FBXL17: variants seen among roughly 807,000 people sequenced by gnomAD.
FBXL17 encodes the protein F-box and leucine rich repeat protein 17.
Under a neutral mutation model 66.2 loss-of-function variants are expected in FBXL17, and 22 were observed. The observed-to-expected ratio is 0.33, with a 90% CI of 0.24 to 0.47. FBXL17 has a LOEUF of 0.47. FBXL17 is among the 20% of genes least tolerant of loss of function. The pLI is 1.00. For missense variants in FBXL17, 878 were observed against 948.2 expected, an observed-to-expected ratio of 0.93 and a Z score of 0.97; for synonymous variants, 474 against 400.5, an observed-to-expected ratio of 1.18 and a Z score of -2.19.
chr5:108,271,773 T>C (rs76507955), intron 4 of FBXL17, among the ~76,000 whole-genome samples: 2,371 of 152,314 alleles, frequency 0.016, 73 homozygotes, highest in African/African-American at 0.053. Flanking sequence ...TCCAAGTATT[T>C]AGTGATAGAA....
At chr5:108,006,123 C>T (rs905573810) in intron 7 of FBXL17, among the ~76,000 whole-genome samples, 4 of 152,100 alleles carry the variant, frequency 2.6e-5, no homozygotes, top group African/African-American at 7.2e-5. Context: ...GGCGAGGCAC[C>T]GGAATGTTTA....
intron 4 of FBXL17, among the ~76,000 whole-genome samples, chr5:108,271,713 T>G (rs1248811567): frequency 6.6e-6 from 1 of 152,226 alleles, no homozygotes; most frequent in East Asian, 1.9e-4. Flanking sequence ...TGTATCTATT[T>G]GTAACATCTT....
intron 6 of FBXL17, among the ~76,000 whole-genome samples, chr5:108,138,823 T>C (rs1751244064): frequency 6.6e-6 from 1 of 152,106 alleles, no homozygotes; most frequent in Non-Finnish European, 1.5e-5. Context: ...AAGTGCAATA[T>C]GGACAAAATA....
chr5:108,353,777 CTGGTAAAGGTAGCCCAG>C (rs1481817365), intron 3 of FBXL17, among the ~76,000 whole-genome samples: 1 of 152,076 alleles, frequency 6.6e-6, no homozygotes, highest in Non-Finnish European at 1.5e-5. Context: ...AAAAGAAGCA[CTGGTAAAGGTAGCCCAG>C]TGGCACAGAC....
chr5:108,178,258 G>T (rs529977269), intron 6 of FBXL17, among the ~76,000 whole-genome samples: 2 of 152,104 alleles, frequency 1.3e-5, no homozygotes, highest in Non-Finnish European at 2.9e-5. Flanking sequence ...ATGTTGCCCA[G>T]GCTGGTCTTG....
chr5:108,163,173 A>G (rs1752278572), intron 6 of FBXL17, among the ~76,000 whole-genome samples: 1 of 152,134 alleles, frequency 6.6e-6, no homozygotes, highest in African/African-American at 2.4e-5. Context: ...AGACAGTTAC[A>G]ACGAAAGAGG....
intron 7 of FBXL17, among the ~76,000 whole-genome samples, chr5:107,987,850 T>C (rs570443035): frequency 2.0e-5 from 3 of 152,108 alleles, no homozygotes; most frequent in Admixed American, 1.3e-4. Flanking sequence ...ACCATTTTAA[T>C]AATAAAATAT....
intron 7 of FBXL17, among the ~76,000 whole-genome samples, chr5:107,920,298 G>A (rs1750269191): frequency 6.6e-6 from 1 of 152,062 alleles, no homozygotes; most frequent in African/African-American, 2.4e-5. Flanking sequence ...TCTGCTTCCC[G>A]GGTTCCAGCA....
intron 7 of FBXL17, among the ~76,000 whole-genome samples, chr5:107,901,525 C>G (rs879466847): frequency 6.6e-6 from 1 of 152,152 alleles, no homozygotes; most frequent in African/African-American, 2.4e-5. Context: ...CAATGCCTAA[C>G]GGGCCCATGT....
intron 4 of FBXL17, among the ~76,000 whole-genome samples, chr5:108,286,452 A>G (rs891018755): frequency 6.6e-6 from 1 of 152,096 alleles, no homozygotes; most frequent in Non-Finnish European, 1.5e-5. Flanking sequence ...GTTTCAGGAC[A>G]CAAAATCAAT....
chr5:107,937,497 T>A (rs1473382827), intron 7 of FBXL17, among the ~76,000 whole-genome samples: 1 of 152,158 alleles, frequency 6.6e-6, no homozygotes, highest in Non-Finnish European at 1.5e-5. Context: ...AAACAGGCCA[T>A]GATTACGGAT....
intron 6 of FBXL17, among the ~76,000 whole-genome samples, chr5:108,169,699 G>C (rs908415207): frequency 6.6e-6 from 1 of 152,060 alleles, no homozygotes; most frequent in Non-Finnish European, 1.5e-5. Context: ...CATTTACAGA[G>C]TATTTTTAAG....
intron 1 of FBXL17, among the ~76,000 whole-genome samples, chr5:108,373,128 C>T (rs1336484179): frequency 1.3e-5 from 2 of 148,470 alleles, no homozygotes; most frequent in Non-Finnish European, 3.0e-5. Flanking sequence ...AAGAAATACA[C>T]ACATAATTAT....
chr5:108,129,427 C>T (rs113424994), intron 6 of FBXL17, among the ~76,000 whole-genome samples: 15 of 152,166 alleles, frequency 9.9e-5, no homozygotes, highest in African/African-American at 3.6e-4. Context: ...TTAAAATAGA[C>T]AACCTACCAC....
At position 107,989,465 on chromosome 5, in the gene FBXL17, T is replaced by C. The variant is rs868843205; in HGVS notation, c.1822+31460A>G. Among the ~76,000 whole-genome samples, 7 of 152,252 alleles carry C rather than the reference T, an allele frequency of 4.6e-5. No homozygotes were observed. The South Asian group carries it at 1.2e-3, about 27-fold the overall frequency. The stretch of plus-strand genomic sequence containing the variant: ...GTTCCAACCATGTTTCTGCAAATAA[T>C]AGGATTTCATTCTTTTTTATGGCTG... On this transcript the variant is annotated intron_variant, in intron 7 of 8. Transcript: ENST00000542267.
intron 7 of FBXL17, among the ~76,000 whole-genome samples, chr5:107,962,678 G>GT (rs952382776): frequency 1.5e-3 from 213 of 143,820 alleles, no homozygotes; most frequent in Middle Eastern, 3.6e-3. Context: ...AGCGTTAAAA[G>GT]TTTTTTTTTT....
At chr5:107,942,386 G>A (rs1424440580) in intron 7 of FBXL17, among the ~76,000 whole-genome samples, 1 of 152,080 alleles carries the variant, frequency 6.6e-6, no homozygotes, top group Non-Finnish European at 1.5e-5. Flanking sequence ...TATAACCTCT[G>A]CTGCAATTAA....
Position 108,135,465 on chromosome 5 carries a change from T to C in FBXL17, c.1745+50652A>G, listed in dbSNP as rs993043465. 2.6e-5 allele frequency among the ~76,000 whole-genome samples: 4 copies of C among 152,140 alleles called. No individual in the cohort carries two copies. The East Asian group carries it at 5.8e-4, about 22-fold the overall frequency. On this transcript the variant is annotated intron_variant, in intron 6 of 8. Coordinates refer to ENST00000542267, the MANE Select transcript of FBXL17 (RefSeq NM_001163315.3). ...CCACCTTAACTAATATCCTTGGGAATGAAACCACGTTTATAATAGATTCAG... is the reference window on the plus strand; with the variant it reads ...CCACCTTAACTAATATCCTTGGGAACGAAACCACGTTTATAATAGATTCAG...
intron 7 of FBXL17, among the ~76,000 whole-genome samples, chr5:107,963,615 T>C (rs1276422775): frequency 1.3e-5 from 2 of 152,192 alleles, no homozygotes; most frequent in East Asian, 3.9e-4. Context: ...CTACTTTTTC[T>C]TTTAGGGTTA....
Sources: gnomAD v4.1 joint callset for allele counts (sites outside exome capture counted in the v4.1 genomes callset) on GRCh38, gnomAD v4.1.1 for gene constraint, MANE v1.5 for transcripts, NCBI Gene and HGNC (gene_info 2026-07-23, HGNC 2026-07-21) for gene names.